DPP6: variants seen among roughly 807,000 people sequenced by gnomAD.
DPP6 encodes the protein dipeptidyl peptidase like 6.
A neutral mutation model predicts 122.6 loss-of-function variants in DPP6; 69 were observed. The ratio of observed to expected loss-of-function variants is 0.56; its 90% CI spans 0.46 to 0.69. DPP6 has a LOEUF of 0.69. DPP6 is among the 30% of genes least tolerant of loss of function. The pLI is 0.00. For synonymous variants in DPP6, 418 were observed against 433.1 expected, an observed-to-expected ratio of 0.97 and a Z score of 0.43; for missense variants, 928 against 1,116.9, an observed-to-expected ratio of 0.83 and a Z score of 2.41.
At chr7:153,944,303 T>C (rs1361686201) in intron 1 of DPP6, among the ~76,000 whole-genome samples, 1 of 152,054 alleles carries the variant, frequency 6.6e-6, no homozygotes, top group African/African-American at 2.4e-5. Flanking sequence ...GAGTTCTTTT[T>C]TGGCAGTTTG....
chr7:154,312,020 C>A (rs933755183), intron 1 of DPP6, among the ~76,000 whole-genome samples: 2 of 152,202 alleles, frequency 1.3e-5, no homozygotes, highest in East Asian at 3.9e-4. Flanking sequence ...TGTGGCAAGA[C>A]CTGATGGAAG....
intron 1 of DPP6, among the ~76,000 whole-genome samples, chr7:154,425,348 A>C (rs900381697): frequency 6.6e-6 from 1 of 152,224 alleles, no homozygotes; most frequent in Non-Finnish European, 1.5e-5. Context: ...AGCTGTAAAT[A>C]TCGAAGCATA....
the DPP6 span, among the ~76,000 whole-genome samples, chr7:153,763,799 A>G: frequency 1.3e-5 from 2 of 152,236 alleles, no homozygotes. Flanking sequence ...TGTAGGTTAC[A>G]TCCATAATAC....
intron 17 of DPP6, among the ~76,000 whole-genome samples, chr7:154,854,962 A>T (rs929487434): frequency 1.3e-5 from 2 of 151,916 alleles, no homozygotes; most frequent in East Asian, 3.9e-4. Flanking sequence ...GGCAAACTTC[A>T]TGGCCCGGGT....
chr7:153,816,041 G>T, the DPP6 span, among the ~76,000 whole-genome samples: 2 of 151,060 alleles, frequency 1.3e-5, no homozygotes, highest in Non-Finnish European at 3.0e-5. Context: ...TAGCTAAATA[G>T]AAAAATAGAA....
intron 1 of DPP6, among the ~76,000 whole-genome samples, chr7:154,154,786 C>A (rs531057170): frequency 3.5e-4 from 53 of 152,310 alleles, no homozygotes; most frequent in African/African-American, 1.2e-3. Flanking sequence ...CATGCATGTA[C>A]ACACACACAT....
chr7:154,370,313 T>C (rs1202569072), intron 1 of DPP6, among the ~76,000 whole-genome samples: 2 of 147,700 alleles, frequency 1.4e-5, no homozygotes, highest in Non-Finnish European at 3.0e-5. Context: ...GACTCTTTGA[T>C]GCCTGAGGGC....
chr7:154,769,140 A>C (rs1796082643), intron 8 of DPP6, among the ~76,000 whole-genome samples: 1 of 152,138 alleles, frequency 6.6e-6, no homozygotes, highest in African/African-American at 2.4e-5. Flanking sequence ...TGTGCAAAGA[A>C]AAAAAAAGTG....
intron 1 of DPP6, among the ~76,000 whole-genome samples, chr7:154,424,839 G>GAAGAAGGCACTTCTT (rs756113658): frequency 2.4e-4 from 37 of 152,296 alleles, no homozygotes; most frequent in Non-Finnish European, 5.1e-4. Context: ...CTTCTCATTT[G>GAAGAAGGCACTTCTT]CAAGTTGAAG....
intron 1 of DPP6, among the ~76,000 whole-genome samples, chr7:154,208,749 A>T (rs971758248): frequency 6.6e-6 from 1 of 152,118 alleles, no homozygotes; most frequent in African/African-American, 2.4e-5. Flanking sequence ...GCATTAAAAA[A>T]TCAGGTCTTG....
In DPP6 at chr7:154,126,265, T is replaced by C. The variant is rs146706297; in HGVS notation, c.243+73202T>C. Among the ~76,000 whole-genome samples the C allele has an allele frequency of 6.8e-3, 1,040 of 152,244 alleles. 9 individuals carry two copies. Among genetic ancestry groups the C allele is most frequent in the African/African-American group, 0.023 (968 of 41,552 alleles). On this transcript the variant is annotated intron_variant, in intron 1 of 25. Transcript: ENST00000377770. The stretch of plus-strand genomic sequence containing the variant: ...GTTGGTTGGTTGGTTAAATGTGTGA[T>C]TGTGAAATAGGGCTATGATGAGTTG...
At chr7:153,944,391 G>C (rs955515125) in intron 1 of DPP6, among the ~76,000 whole-genome samples, 5 of 152,172 alleles carry the variant, frequency 3.3e-5, no homozygotes, top group Admixed American at 3.3e-4. Flanking sequence ...GCCCTGCCGG[G>C]TCATGTGATG....
chr7:154,243,186 AT>A (rs1801754233), intron 1 of DPP6, among the ~76,000 whole-genome samples: 1 of 152,226 alleles, frequency 6.6e-6, no homozygotes, highest in African/African-American at 2.4e-5. Context: ...ATCTAGAATC[AT>A]GAAAACATTT....
chr7:154,288,226 G>T (rs1460585065), intron 1 of DPP6, among the ~76,000 whole-genome samples: 1 of 152,240 alleles, frequency 6.6e-6, no homozygotes, highest in Non-Finnish European at 1.5e-5. Flanking sequence ...GAGCTCTGCT[G>T]TGTGAACTTT....
chr7:154,470,569 T>G (rs1218171681), intron 2 of DPP6, among the ~76,000 whole-genome samples: 1 of 152,166 alleles, frequency 6.6e-6, no homozygotes, highest in Non-Finnish European at 1.5e-5. Context: ...TTCCAAATGG[T>G]TCTCCAGGAA....
chr7:154,463,423 G>T (rs904310219), intron 2 of DPP6, among the ~76,000 whole-genome samples: 2 of 151,818 alleles, frequency 1.3e-5, no homozygotes, highest in Non-Finnish European at 2.9e-5. Flanking sequence ...TAGCCAGGAT[G>T]GTCTCGATCT....
rs1799222560 is a variant in DPP6 at position 154,202,446 on chromosome 7, G to A, written c.243+149383G>A. ...AATGCAAGCCCTTCCATTTCATTTT[G>A]GTTAGTAATAATCATATATTTTGGC... is the stretch of plus-strand genomic sequence containing the variant. On this transcript the variant is annotated intron_variant, in intron 1 of 25. Transcript: ENST00000377770. Among the ~76,000 whole-genome samples, 3 of 152,214 alleles carry A rather than the reference G, an allele frequency of 2.0e-5. No individual in the cohort carries two copies. In the South Asian group the frequency reaches 6.2e-4, roughly 32 times the overall value.
intron 1 of DPP6, among the ~76,000 whole-genome samples, chr7:154,200,394 A>G (rs1799109288): frequency 6.6e-6 from 1 of 152,310 alleles, no homozygotes; most frequent in Middle Eastern, 3.4e-3. Context: ...AGATGAGTGT[A>G]TGCTGCAGCC....
At chr7:154,639,316 T>A (rs1257646137) in intron 6 of DPP6, among the ~76,000 whole-genome samples, 2 of 152,296 alleles carry the variant, frequency 1.3e-5, no homozygotes, top group African/African-American at 2.4e-5. Flanking sequence ...TTCATACAAA[T>A]TTTTCATTAA....
Sources: allele counts gnomAD v4.1 joint callset (sites outside exome capture counted in the v4.1 genomes callset), GRCh38; gene constraint gnomAD v4.1.1; transcripts MANE v1.5; gene names NCBI Gene and HGNC (gene_info 2026-07-23, HGNC 2026-07-21).